Variants in SPTSSB observed in about 807,000 individuals in gnomAD.
SPTSSB encodes the protein androgen down regulated in mouse prostate.
Under a neutral mutation model 7.7 loss-of-function variants are expected in SPTSSB, and 6 were observed. The observed-to-expected ratio is 0.78, with a 90% CI of 0.43 to 1.54. SPTSSB has a LOEUF of 1.54. Ranked by LOEUF, SPTSSB falls within the 40% of genes most tolerant of loss-of-function variation. SPTSSB has a pLI of 0.01. For synonymous variants in SPTSSB, 28 were observed against 29.7 expected (o/e 0.94, Z 0.19); for missense variants, 91 against 93.0 (o/e 0.98, Z 0.09).
At chr3:161,348,282 C>CAA (rs1406224392) in intron 2 of SPTSSB, among the ~76,000 whole-genome samples, 1 of 129,900 alleles carries the variant, frequency 7.7e-6, no homozygotes, top group Admixed American at 8.0e-5. Context: ...CAAAACAAAA[C>CAA]AAAACAAAAC....
At chr3:161,362,128 G>A (rs1715042463) in intron 1 of SPTSSB, among the ~76,000 whole-genome samples, 2 of 151,976 alleles carry the variant, frequency 1.3e-5, no homozygotes, top group African/African-American at 4.8e-5. Context: ...GAGTAAGAAG[G>A]GTTAGTAACT....
Position 161,346,151 on chromosome 3 carries a change from C to T in SPTSSB, c.173G>A (p.Arg58His), listed in dbSNP as rs777850686. 1.1e-5 allele frequency: 18 copies of T among 1,611,662 alleles called. No individual in the cohort carries two copies. Among genetic ancestry groups the T allele is most frequent in the African/African-American group, 4.0e-5 (3 of 74,850 alleles). The change falls in exon 3 of 3, where the codon CGC (arginine) becomes CAC (histidine). Residue 58 changes from arginine to histidine, a missense_variant. Physicochemically the swap from Arg to His is conservative, Grantham distance 29 (BLOSUM62 0). Coordinates refer to ENST00000620149, the MANE Select transcript of SPTSSB (RefSeq NM_001040100.2). ...TTTTGAGAAAAATTCCCAAGCCAGGCGAATGTGGATTGGAATAAAGACATA... is the reference window on the plus strand; with the variant it reads ...TTTTGAGAAAAATTCCCAAGCCAGGTGAATGTGGATTGGAATAAAGACATA... ...TAYVFIPIHI[R>H]LAWEFFSKIC...
chr3:161,365,571 T>C (rs138229342), intron 1 of SPTSSB, among the ~76,000 whole-genome samples: 1 of 152,348 alleles, frequency 6.6e-6, no homozygotes, highest in East Asian at 1.9e-4. Context: ...TAAGGTCCTC[T>C]TCTGTCTTGT....
intron 1 of SPTSSB, among the ~76,000 whole-genome samples, chr3:161,369,191 G>A (rs1715349250): frequency 6.6e-6 from 1 of 151,986 alleles, no homozygotes; most frequent in South Asian, 2.1e-4. Context: ...AGCAATACCA[G>A]CAATATATGA....
chr3:161,368,630 T>A (rs1370384419), intron 1 of SPTSSB, among the ~76,000 whole-genome samples: 1 of 151,760 alleles, frequency 6.6e-6, no homozygotes, highest in South Asian at 2.1e-4. Flanking sequence ...GTTTCACCGT[T>A]TTAGCCGGGA....
At position 161,346,100 on chromosome 3, in the gene SPTSSB, G is replaced by C; in HGVS notation, c.224C>G (p.Ser75Cys). 2 of 1,529,284 alleles carry C rather than the reference G, an allele frequency of 1.3e-6. No individual in the cohort carries two copies. Among genetic ancestry groups the C allele is most frequent in the South Asian group, 2.2e-5 (2 of 89,298 alleles). The allele number at this position is 1,529,284 out of a possible 1,614,324, so 94.7% of individuals were successfully genotyped here. A position where few individuals can be genotyped will look rare whatever the true frequency, so the allele number is the denominator to read the frequency against. ...CACTGAATGTGAACAGGATCAATTA[G>C]AAATTGTACTGTGATATCCACATAT... is the stretch of plus-strand genomic sequence containing the variant. Reference protein sequence around the residue: ...SKICGYHSTISN With the variant: ...SKICGYHSTICN Residue 75 changes from serine (S) to cysteine (C), a missense_variant, in exon 3 of 3, where the codon TCT becomes TGT. Ser to Cys is a moderately radical substitution (Grantham distance 112, BLOSUM62 -1). Transcript: ENST00000620149.
At chr3:161,365,674 C>T (rs1160322691) in intron 1 of SPTSSB, among the ~76,000 whole-genome samples, 1 of 152,198 alleles carries the variant, frequency 6.6e-6, no homozygotes, top group Non-Finnish European at 1.5e-5. Flanking sequence ...TCCCTTGTGA[C>T]AGGGGGTCTT....
intron 1 of SPTSSB, among the ~76,000 whole-genome samples, chr3:161,362,654 GT>G (rs1426480981): frequency 1.3e-5 from 2 of 152,024 alleles, no homozygotes; most frequent in East Asian, 3.8e-4. Flanking sequence ...CAGTTGCCTT[GT>G]TTATGATGAC....
rs562955995 is a variant in SPTSSB at position 161,366,956 on chromosome 3, C to T, written c.-126+4479G>A. Among the ~76,000 whole-genome samples, 4 of 152,222 alleles carry T rather than the reference C, an allele frequency of 2.6e-5. No individual in the cohort carries two copies. The East Asian group carries it at 7.7e-4, about 29-fold the overall frequency. On this transcript the variant is annotated intron_variant, in intron 1 of 2. Transcript: ENST00000620149. ...TTAGGAGGCCAAGGTGGGTGGATTA[C>T]CTGATGTCAGGAGTTTGAGACCAGC...
intron 2 of SPTSSB, among the ~76,000 whole-genome samples, chr3:161,349,987 T>C (rs200615074): frequency 1.3e-5 from 2 of 152,166 alleles, no homozygotes; most frequent in East Asian, 3.8e-4. Context: ...TATGACTCAT[T>C]ACACAGGGGC....
At chr3:161,355,791 TAACTG>T (rs1487213265) in intron 2 of SPTSSB, among the ~76,000 whole-genome samples, 1 of 152,236 alleles carries the variant, frequency 6.6e-6, no homozygotes. Flanking sequence ...TAACACCACT[TAACTG>T]TACTCTTAAA....
intron 2 of SPTSSB, among the ~76,000 whole-genome samples, chr3:161,358,040 T>A (rs966450512): frequency 7.7e-6 from 1 of 129,852 alleles, no homozygotes; most frequent in East Asian, 2.8e-4. Flanking sequence ...CAATAGAAAC[T>A]TTTGTTTTTT....
chr3:161,353,692 GT>G (rs923018289), intron 2 of SPTSSB, among the ~76,000 whole-genome samples: 2 of 152,080 alleles, frequency 1.3e-5, no homozygotes, highest in African/African-American at 4.8e-5. Context: ...CATGAATGTG[GT>G]TTAAGTTTAT....
intron 2 of SPTSSB, 85 bp downstream of exon 2, chr3:161,359,717 T>A (rs1714929679): frequency 1.0e-6 from 1 of 984,846 alleles, no homozygotes; most frequent in South Asian, 4.7e-5. Flanking sequence ...AGGAGAGAAC[T>A]AGATGTGTTA....
chr3:161,357,078 C>G (rs1714802204), intron 2 of SPTSSB, among the ~76,000 whole-genome samples: 2 of 152,206 alleles, frequency 1.3e-5, no homozygotes, highest in African/African-American at 4.8e-5. Flanking sequence ...ATAAGGTGCT[C>G]TCTCTGCCAA....
intron 1 of SPTSSB, among the ~76,000 whole-genome samples, chr3:161,366,572 C>A (rs989845040): frequency 6.6e-6 from 1 of 152,086 alleles, no homozygotes; most frequent in Admixed American, 6.5e-5. Flanking sequence ...ATTGCATGAT[C>A]TTAATTCCTA....
intron 1 of SPTSSB, among the ~76,000 whole-genome samples, chr3:161,367,518 T>C (rs1190058304): frequency 6.6e-6 from 1 of 152,224 alleles, no homozygotes; most frequent in Non-Finnish European, 1.5e-5. Flanking sequence ...TAGTTTTATA[T>C]TTCCATTTCT....
At chr3:161,351,102 C>T (rs889945243) in intron 2 of SPTSSB, among the ~76,000 whole-genome samples, 1 of 152,040 alleles carries the variant, frequency 6.6e-6, no homozygotes, top group Non-Finnish European at 1.5e-5. Context: ...GGCATTATGA[C>T]TAATTGTAAT....
intron 1 of SPTSSB, among the ~76,000 whole-genome samples, chr3:161,367,326 C>G (rs1423571683): frequency 6.6e-6 from 1 of 152,172 alleles, no homozygotes; most frequent in Non-Finnish European, 1.5e-5. Context: ...ATGATATGCT[C>G]CTCAAAAACA....
Sources: gnomAD v4.1 joint callset for allele counts (sites outside exome capture counted in the v4.1 genomes callset) on GRCh38, gnomAD v4.1.1 for gene constraint, MANE v1.5 for transcripts, NCBI Gene and HGNC (gene_info 2026-07-23, HGNC 2026-07-21) for gene names.